Variants in MAP2K5 observed in about 807,000 individuals in gnomAD.
The protein encoded by MAP2K5 is dual specificity mitogen-activated protein kinase kinase 5.
In MAP2K5, 49 loss-of-function variants were observed where a neutral mutation model predicts 83.1. The observed-to-expected ratio is 0.59, with a 90% CI of 0.47 to 0.75. The LOEUF is 0.75. Ranked by LOEUF, MAP2K5 falls within the 30% of genes least tolerant of loss-of-function variation. MAP2K5 has a pLI of 0.00. For synonymous variants in MAP2K5, 202 were observed against 191.8 expected (o/e 1.05, Z -0.44); for missense variants, 457 against 557.5 (o/e 0.82, Z 1.82).
chr15:67,670,523 A>G (rs2087504712), intron 13 of MAP2K5: 4 of 451,706 alleles, frequency 8.9e-6, no homozygotes, highest in South Asian at 1.6e-5. Context: ...CCAGATTTAC[A>G]GAGAAAAGCT....
chr15:67,559,464 A>G lies in MAP2K5; in HGVS notation c.185-3819A>G, dbSNP rs1230676223. On this transcript the variant is annotated intron_variant, in intron 2 of 21. Coordinates refer to ENST00000178640, the MANE Select transcript of MAP2K5 (RefSeq NM_145160.3). This position sits in a 1 kb window ranked among gnomAD's most constrained non-coding sequence, Gnocchi z 4.7. ...TTTCTCTTCTTGGTTTTTCTTTTGGATTGCATGTTGCCTCAAATAAAATTG... is the reference window on the plus strand; with the variant it reads ...TTTCTCTTCTTGGTTTTTCTTTTGGGTTGCATGTTGCCTCAAATAAAATTG... Among the ~76,000 whole-genome samples, 1 of 151,936 alleles carries G rather than the reference A, an allele frequency of 6.6e-6. No individual in the cohort carries two copies. The highest frequency in any genetic ancestry group is 6.6e-5 in the Admixed American group (1 of 15,266).
chr15:67,605,018 A>T (rs1818935829), intron 8 of MAP2K5, among the ~76,000 whole-genome samples: 1 of 151,840 alleles, frequency 6.6e-6, no homozygotes, highest in South Asian at 2.1e-4. Context: ...AATTATTTAC[A>T]TTTTGTACTT....
chr15:67,632,097 A>ATTTT (rs35811067), intron 9 of MAP2K5, among the ~76,000 whole-genome samples: 2 of 140,842 alleles, frequency 1.4e-5, no homozygotes, highest in Non-Finnish European at 1.5e-5. Context: ...ATTATGCTAG[A>ATTTT]TTTTTTTTTT....
In MAP2K5 at chr15:67,580,469, G is replaced by A. The variant is rs564815364; in HGVS notation, c.253-285G>A. 9.9e-5 allele frequency among the ~76,000 whole-genome samples: 15 copies of A among 152,218 alleles called. No homozygotes were observed. The East Asian group carries it at 1.2e-3, about 12-fold the overall frequency. On this transcript the variant is annotated intron_variant, in intron 3 of 21. Coordinates refer to ENST00000178640, the MANE Select transcript of MAP2K5 (RefSeq NM_145160.3). ...ATTCCACTAAAATGCTTTATGTGTC[G>A]TCTAAATATATATCATTTTCAAATA...
In MAP2K5 at chr15:67,543,451, T is replaced by C. The variant is rs151326361; in HGVS notation, c.116T>C (p.Leu39Ser). The C allele has an allele frequency of 6.4e-5, 103 of 1,614,028 alleles. No individual in the cohort carries two copies. Among genetic ancestry groups the C allele is most frequent in the Non-Finnish European group, 8.3e-5 (98 of 1,180,024 alleles). Residue 39 changes from leucine (L) to serine (S), a missense_variant, in exon 1 of 22, where the codon TTA becomes TCA. Around this residue, in one of 3 missense-constraint regions of MAP2K5, gnomAD observed 234 missense variants for 243.6 expected, o/e 0.96. Coordinates refer to ENST00000178640, the MANE Select transcript of MAP2K5 (RefSeq NM_145160.3). This position sits in a 1 kb window ranked among gnomAD's most constrained non-coding sequence, Gnocchi z 4.3. ...VDWTVHSGPQ[L>S]LFRDVLDVIG... The stretch of plus-strand genomic sequence containing the variant: ...TGGACAGTGCACTCCGGGCCGCAGT[T>C]ACTCTTCAGGGATGTGCTGGTGAGT...
intron 7 of MAP2K5, among the ~76,000 whole-genome samples, chr15:67,595,302 A>G (rs2085500165): frequency 6.6e-6 from 1 of 152,222 alleles, no homozygotes; most frequent in Non-Finnish European, 1.5e-5. Flanking sequence ...AACAGTTCAT[A>G]AGAAACATTT....
chr15:67,576,608 T>A (rs1464077496), intron 3 of MAP2K5, among the ~76,000 whole-genome samples: 1 of 147,682 alleles, frequency 6.8e-6, no homozygotes, highest in Admixed American at 6.7e-5. Context: ...CTGATTGATC[T>A]TTTACCCAGT....
At chr15:67,580,595 A>T (rs1418349858) in intron 3 of MAP2K5, among the ~76,000 whole-genome samples, 159 bp from the exon 4 acceptor site, 3 of 152,214 alleles carry the variant, frequency 2.0e-5, no homozygotes, top group East Asian at 3.8e-4. Context: ...CTAAATATTC[A>T]CTATAGTCAT....
intron 21 of MAP2K5, among the ~76,000 whole-genome samples, chr15:67,797,903 G>A (rs1171932773): frequency 6.6e-5 from 10 of 152,188 alleles, no homozygotes; most frequent in South Asian, 2.1e-4. Context: ...GGCTGGTCTC[G>A]AACTCCTGAG....
chr15:67,584,037 C>T (rs1048334668), intron 4 of MAP2K5, among the ~76,000 whole-genome samples: 1 of 152,152 alleles, frequency 6.6e-6, no homozygotes, highest in African/African-American at 2.4e-5. Flanking sequence ...GCATGAGCCA[C>T]CATGCCTGGC....
At chr15:67,772,786 C>G in intron 21 of MAP2K5, 34 bp downstream of exon 21, 1 of 1,536,382 alleles carries the variant, frequency 6.5e-7, no homozygotes, top group Non-Finnish European at 8.9e-7. Flanking sequence ...TTAGAATTCT[C>G]AGTTATATAT....
chr15:67,586,936 T>C, intron 6 of MAP2K5, 23 bp downstream of exon 6: 1 of 1,612,982 alleles, frequency 6.2e-7, no homozygotes, highest in Non-Finnish European at 8.5e-7. Context: ...AAGTAAAGTG[T>C]GCCCTTGATG....
At chr15:67,603,431 G>T (rs1260883848) in intron 8 of MAP2K5, among the ~76,000 whole-genome samples, 1 of 152,210 alleles carries the variant, frequency 6.6e-6, no homozygotes, top group African/African-American at 2.4e-5. Context: ...CACTGTGAGT[G>T]TTGTAAGATG....
rs2086693282 is a variant in MAP2K5 at position 67,640,776 on chromosome 15, T to C, written c.586-5455T>C. ...AGCATATTGTAAATGTTTCCCTTTT[T>C]AGACTTCTGAGGTAGGAATATATTA... On this transcript the variant is annotated intron_variant, in intron 9 of 21. Coordinates refer to ENST00000178640, the MANE Select transcript of MAP2K5 (RefSeq NM_145160.3). This position sits in a 1 kb window ranked among gnomAD's most constrained non-coding sequence, Gnocchi z 4.6. Among the ~76,000 whole-genome samples, 1 of 152,244 alleles carries C rather than the reference T, an allele frequency of 6.6e-6. No individual in the cohort carries two copies. The highest frequency in any genetic ancestry group is 2.1e-4 in the South Asian group (1 of 4,836).
At chr15:67,616,246 G>A (rs2086052343) in intron 8 of MAP2K5, among the ~76,000 whole-genome samples, 1 of 152,138 alleles carries the variant, frequency 6.6e-6, no homozygotes, top group African/African-American at 2.4e-5. Context: ...AGAAACTGAT[G>A]ATCCTACAGT....
At chr15:67,799,436 G>A (rs547251533) in intron 21 of MAP2K5, among the ~76,000 whole-genome samples, 2 of 152,344 alleles carry the variant, frequency 1.3e-5, no homozygotes, top group South Asian at 4.1e-4. Context: ...ACTTCATTTG[G>A]TCCTTACAAC....
chr15:67,797,380 A>G (rs1047182403), intron 21 of MAP2K5, among the ~76,000 whole-genome samples: 2 of 152,166 alleles, frequency 1.3e-5, no homozygotes, highest in African/African-American at 2.4e-5. Context: ...GTGAATGGTA[A>G]AACAGTCTGA....
chr15:67,628,506 AAAAG>A, intron 8 of MAP2K5: 1 of 715,724 alleles, frequency 1.4e-6, no homozygotes, highest in Non-Finnish European at 2.4e-6. Flanking sequence ...AAAAATAAAA[AAAAG>A]ACACTGAGGA....
At chr15:67,709,630 C>G (rs1340667171) in intron 16 of MAP2K5, among the ~76,000 whole-genome samples, 3 of 152,280 alleles carry the variant, frequency 2.0e-5, no homozygotes, top group South Asian at 2.1e-4. Context: ...CAGTGCTTAT[C>G]TCTTCTAAAG....
Sources: gnomAD v4.1 joint callset for allele counts (sites outside exome capture counted in the v4.1 genomes callset) on GRCh38, gnomAD v4.1.1 for gene constraint, gnomAD v4.1.1 regional missense constraint, Gnocchi (gnomAD v3.1) non-coding constraint, MANE v1.5 for transcripts, NCBI Gene and HGNC (gene_info 2026-07-23, HGNC 2026-07-21) for gene names.